RTL4: variants seen among roughly 807,000 people sequenced by gnomAD.
RTL4 encodes the protein retrotransposon Gag like 4, also known as retrotransposon Gag-like protein 4.
In RTL4, 4 loss-of-function variants were observed where a neutral mutation model predicts 5.3. The observed-to-expected ratio is 0.75, with a 90% CI of 0.37 to 1.72. RTL4 has a LOEUF of 1.72. RTL4 is among the 40% of genes most tolerant of loss of function. RTL4 has a pLI of 0.04. For missense variants in RTL4, 260 were observed against 227.1 expected, an observed-to-expected ratio of 1.14 and a Z score of -0.93; for synonymous variants, 98 against 87.3, an observed-to-expected ratio of 1.12 and a Z score of -0.68.
chrX:112,234,847 T>C, the RTL4 span, among the ~76,000 whole-genome samples: 1 of 112,092 alleles, frequency 8.9e-6, no homozygotes, highest in Non-Finnish European at 1.9e-5. Flanking sequence ...GATCAATTTG[T>C]GTTTGATGGA....
At chrX:112,105,777 G>T in the RTL4 span, among the ~76,000 whole-genome samples, 1 of 111,241 alleles carries the variant, frequency 9.0e-6, no homozygotes, top group South Asian at 3.7e-4. Flanking sequence ...ATAGGTTTTT[G>T]GTGGAGTCTT....
At chrX:112,260,609 C>A in the RTL4 span, among the ~76,000 whole-genome samples, 2 of 111,655 alleles carry the variant, frequency 1.8e-5, no homozygotes, top group African/African-American at 3.3e-5. Context: ...AACAAAATCA[C>A]CATCTTTATT....
chrX:112,360,901 A>G, the RTL4 span, among the ~76,000 whole-genome samples: 2 of 111,089 alleles, frequency 1.8e-5, no homozygotes, highest in African/African-American at 6.5e-5. Context: ...AGGTCCCTGG[A>G]GTTATTTATG....
chrX:112,223,044 A>G, the RTL4 span, among the ~76,000 whole-genome samples: 1 of 112,507 alleles, frequency 8.9e-6, no homozygotes. Context: ...TTTGGCTGAC[A>G]TTTTGCAAAT....
the RTL4 span, among the ~76,000 whole-genome samples, chrX:112,291,985 CCTA>C: frequency 1.8e-5 from 2 of 111,162 alleles, no homozygotes; most frequent in African/African-American, 6.5e-5. Flanking sequence ...TGCTACTTCT[CCTA>C]CACTCACTAG....
At chrX:112,131,773 G>A in the RTL4 span, among the ~76,000 whole-genome samples, 1 of 110,560 alleles carries the variant, frequency 9.0e-6, no homozygotes, top group Non-Finnish European at 1.9e-5. Flanking sequence ...GAAGGAACAG[G>A]TCCAAATAGG....
chrX:112,332,369 A>C, the RTL4 span, among the ~76,000 whole-genome samples: 9 of 110,545 alleles, frequency 8.1e-5, no homozygotes, highest in African/African-American at 2.6e-4. Flanking sequence ...GCTGTTGTAA[A>C]GACACATGCA....
the RTL4 span, among the ~76,000 whole-genome samples, chrX:112,263,740 C>A: frequency 6.3e-5 from 7 of 111,182 alleles, no homozygotes; most frequent in East Asian, 1.4e-3. Flanking sequence ...TGTAAGGGAG[C>A]AAATTTGAAG....
At chrX:112,359,551 A>AGAT in the RTL4 span, among the ~76,000 whole-genome samples, 1 of 106,401 alleles carries the variant, frequency 9.4e-6, no homozygotes, top group Non-Finnish European at 1.9e-5. Context: ...ACTTTTATAA[A>AGAT]GATAGCTACA....
chrX:112,394,109 T>G, the RTL4 span, among the ~76,000 whole-genome samples: 3 of 111,307 alleles, frequency 2.7e-5, no homozygotes, highest in Admixed American at 9.5e-5. Context: ...TCCCAGGGTC[T>G]CACATTCACT....
the RTL4 span, among the ~76,000 whole-genome samples, chrX:112,318,568 A>G: frequency 8.9e-6 from 1 of 112,194 alleles, no homozygotes; most frequent in Non-Finnish European, 1.9e-5. Context: ...AGGTTATTGT[A>G]TAATGTTATT....
At chrX:112,226,399 G>A in the RTL4 span, among the ~76,000 whole-genome samples, 571 of 111,770 alleles carry the variant, frequency 5.1e-3, 3 homozygotes, top group African/African-American at 0.018. Flanking sequence ...TATGGGATGC[G>A]TTATTGGAGA....
chrX:112,448,035 T>C, the RTL4 span, among the ~76,000 whole-genome samples: 27 of 111,861 alleles, frequency 2.4e-4, no homozygotes, highest in East Asian at 7.0e-3. Context: ...CACAGGGACC[T>C]GGAAATCCAA....
At chrX:112,249,088 A>G in the RTL4 span, among the ~76,000 whole-genome samples, 6 of 112,168 alleles carry the variant, frequency 5.3e-5, no homozygotes, top group Admixed American at 5.7e-4. Context: ...AGAAATAAAG[A>G]TGGGTATTCA....
the RTL4 span, among the ~76,000 whole-genome samples, chrX:112,366,538 T>C: frequency 8.9e-6 from 1 of 111,820 alleles, no homozygotes; most frequent in East Asian, 2.8e-4. Context: ...CCTGGACAAC[T>C]GTTCTGCTCT....
At chrX:112,150,684 T>C in the RTL4 span, among the ~76,000 whole-genome samples, 1 of 111,772 alleles carries the variant, frequency 8.9e-6, no homozygotes, top group Non-Finnish European at 1.9e-5. Flanking sequence ...GCATGTGAAT[T>C]GTTGCTTAGT....
At chrX:112,156,504 C>T in the RTL4 span, among the ~76,000 whole-genome samples, 1 of 111,791 alleles carries the variant, frequency 8.9e-6, no homozygotes, top group Non-Finnish European at 1.9e-5. Flanking sequence ...AAACTGAAAG[C>T]AAGGTTGATA....
chrX:112,190,417 T>C, the RTL4 span, among the ~76,000 whole-genome samples: 1 of 110,621 alleles, frequency 9.0e-6, no homozygotes, highest in African/African-American at 3.3e-5. Flanking sequence ...ATGGGAATCT[T>C]TTCACTTAGC....
the RTL4 span, among the ~76,000 whole-genome samples, chrX:112,261,560 A>T: frequency 8.9e-6 from 1 of 111,944 alleles, no homozygotes; most frequent in Non-Finnish European, 1.9e-5. Flanking sequence ...AACAAATGGA[A>T]TTACATTCCA....
Sources: gnomAD v4.1 joint callset for allele counts (sites outside exome capture counted in the v4.1 genomes callset) on GRCh38, gnomAD v4.1.1 for gene constraint, MANE v1.5 for transcripts, NCBI Gene and HGNC (gene_info 2026-07-23, HGNC 2026-07-21) for gene names.